Variants in PDCL2 observed in about 807,000 individuals in gnomAD.
PDCL2 encodes the protein phosducin like 2, also known as phosducin-like protein 2.
In PDCL2, 23 loss-of-function variants were observed where a neutral mutation model predicts 30.3. The ratio of observed to expected loss-of-function variants is 0.76; its 90% CI spans 0.55 to 1.08. The LOEUF (loss-of-function observed/expected upper bound fraction) is 1.08. Among genes scored for constraint, PDCL2 ranks in the 50% least tolerant of loss-of-function variants. PDCL2 has a pLI of 0.00. For missense variants in PDCL2, 243 were observed against 282.3 expected (o/e 0.86, Z 1.00); for synonymous variants, 68 against 86.2 (o/e 0.79, Z 1.17).
chr4:55,575,211 A>G (rs1330356550), intron 3 of PDCL2, among the ~76,000 whole-genome samples: 1 of 152,208 alleles, frequency 6.6e-6, no homozygotes, highest in African/African-American at 2.4e-5. Context: ...CTGCCCCAAC[A>G]TTTCATGTCA....
intron 3 of PDCL2, among the ~76,000 whole-genome samples, chr4:55,577,061 C>T (rs1732588908): frequency 6.6e-6 from 1 of 152,130 alleles, no homozygotes; most frequent in Non-Finnish European, 1.5e-5. Flanking sequence ...CTACACCCAA[C>T]TAATTTTTGT....
At chr4:55,579,111 T>C (rs1286269672) in intron 3 of PDCL2, among the ~76,000 whole-genome samples, 1 of 152,190 alleles carries the variant, frequency 6.6e-6, no homozygotes, top group African/African-American at 2.4e-5. Context: ...CATATAATTA[T>C]TGATTTTGTT....
In PDCL2 at chr4:55,579,700, T is replaced by C. The variant is rs955743995; in HGVS notation, c.218+1121A>G. On this transcript the variant is annotated intron_variant, in intron 3 of 5. Coordinates refer to ENST00000295645, the MANE Select transcript of PDCL2 (RefSeq NM_152401.3). ...CCATTCACTGGTGGCTTTTGGTTTTTATTTTTGTTTTGTAGAGACAGGGTC... is the reference window on the plus strand; with the variant it reads ...CCATTCACTGGTGGCTTTTGGTTTTCATTTTTGTTTTGTAGAGACAGGGTC... Among the ~76,000 whole-genome samples the C allele has an allele frequency of 4.6e-5, 7 of 151,860 alleles. No homozygotes were observed. The South Asian group carries it at 1.2e-3, about 27-fold the overall frequency.
chr4:55,559,826 C>T (rs1362160093), intron 5 of PDCL2, among the ~76,000 whole-genome samples: 1 of 152,096 alleles, frequency 6.6e-6, no homozygotes, highest in Admixed American at 6.6e-5. Context: ...AACATGCTAC[C>T]ACATGGATGA....
At chr4:55,567,192 T>G (rs1732289696) in intron 4 of PDCL2, among the ~76,000 whole-genome samples, 1 of 152,226 alleles carries the variant, frequency 6.6e-6, no homozygotes, top group East Asian at 1.9e-4. Context: ...AACTTTTCTC[T>G]GAAGAATGCA....
At chr4:55,571,833 G>A (rs1015109516) in intron 3 of PDCL2, among the ~76,000 whole-genome samples, 2 of 151,380 alleles carry the variant, frequency 1.3e-5, no homozygotes, top group African/African-American at 4.9e-5. Flanking sequence ...ACCTCTCATA[G>A]TTTTCAAATT....
In PDCL2 at chr4:55,592,193, G is replaced by A; in HGVS notation, c.-84C>T. ...GATGGAGACCCGCAGCCTTCTCCAG[G>A]CTGGAAGAGCGCCCGCTTCAGGCCC... On this transcript the variant is annotated 5_prime_UTR_variant, in exon 1 of 6. Transcript: ENST00000295645. 6.4e-7 allele frequency: 1 copy of A among 1,566,160 alleles called. No homozygotes were observed. Among genetic ancestry groups the A allele is most frequent in the South Asian group, 1.2e-5 (1 of 84,988 alleles).
intron 3 of PDCL2, among the ~76,000 whole-genome samples, chr4:55,572,821 G>A (rs892825446): frequency 2.6e-5 from 4 of 151,918 alleles, no homozygotes; most frequent in African/African-American, 9.7e-5. Context: ...AGTGCAGTGG[G>A]TGATCTCGGC....
chr4:55,576,873 T>A (rs1732582286), intron 3 of PDCL2, among the ~76,000 whole-genome samples: 1 of 150,796 alleles, frequency 6.6e-6, no homozygotes, highest in South Asian at 2.1e-4. Context: ...AAACAAATTT[T>A]AAAAAAAGCA....
intron 4 of PDCL2, among the ~76,000 whole-genome samples, chr4:55,568,597 G>C (rs1732329804): frequency 6.6e-6 from 1 of 152,106 alleles, no homozygotes; most frequent in Non-Finnish European, 1.5e-5. Flanking sequence ...TGAGAAAATG[G>C]TATTGTGGTT....
intron 5 of PDCL2, among the ~76,000 whole-genome samples, chr4:55,561,803 C>T (rs998218968): frequency 6.6e-6 from 1 of 151,872 alleles, no homozygotes; most frequent in Non-Finnish European, 1.5e-5. Context: ...GGTCCATGCA[C>T]CTTTTAGGAA....
intron 3 of PDCL2, among the ~76,000 whole-genome samples, chr4:55,573,664 T>A (rs572552366): frequency 1.3e-5 from 2 of 151,964 alleles, no homozygotes; most frequent in South Asian, 4.2e-4. Flanking sequence ...GGTAGGATAA[T>A]CACTTGAGCC....
chr4:55,590,012 C>T lies in PDCL2; in HGVS notation c.6+2092G>A, dbSNP rs546947302. ...AGGACTCCAAGACCAGCCTGGCCAA[C>T]ATGGTGAAACCCTGTCTCTACTAAA... On this transcript the variant is annotated intron_variant, in intron 1 of 5. Coordinates refer to ENST00000295645, the MANE Select transcript of PDCL2 (RefSeq NM_152401.3). Among the ~76,000 whole-genome samples, 16 of 151,802 alleles carry T rather than the reference C, an allele frequency of 1.1e-4. No individual in the cohort carries two copies. The East Asian group carries it at 2.9e-3, about 28-fold the overall frequency.
At chr4:55,586,453 G>A (rs1244507102) in intron 1 of PDCL2, among the ~76,000 whole-genome samples, 4 of 152,086 alleles carry the variant, frequency 2.6e-5, no homozygotes, top group African/African-American at 9.7e-5. Context: ...TTTGTGACTG[G>A]CTTATTTCGC....
intron 1 of PDCL2, among the ~76,000 whole-genome samples, chr4:55,584,946 G>C (rs956360942): frequency 1.3e-5 from 2 of 152,096 alleles, no homozygotes; most frequent in African/African-American, 4.8e-5. Context: ...AAATTTGGTT[G>C]AATGTTTTTT....
intron 4 of PDCL2, among the ~76,000 whole-genome samples, chr4:55,564,143 A>T (rs1440893284): frequency 1.3e-5 from 2 of 152,238 alleles, no homozygotes; most frequent in East Asian, 3.8e-4. Context: ...AAATGAGTCC[A>T]CTAATATCTA....
At chr4:55,577,474 T>G (rs1732601469) in intron 3 of PDCL2, among the ~76,000 whole-genome samples, 1 of 152,192 alleles carries the variant, frequency 6.6e-6, no homozygotes, top group African/African-American at 2.4e-5. Context: ...GAGCAGGGAA[T>G]AGTGTTAAAA....
intron 2 of PDCL2, 85 bp downstream of exon 2, chr4:55,582,032 C>G (rs540481809): frequency 2.1e-5 from 33 of 1,539,296 alleles, no homozygotes; most frequent in Non-Finnish European, 2.8e-5. Flanking sequence ...CTAATGTCCT[C>G]TCTCCCACTA....
intron 5 of PDCL2, among the ~76,000 whole-genome samples, chr4:55,557,874 G>A (rs550498587): frequency 2.0e-5 from 3 of 151,630 alleles, no homozygotes; most frequent in East Asian, 3.9e-4. Context: ...GAAAGGCTGA[G>A]GAGGGCGGAT....
Sources: allele counts gnomAD v4.1 joint callset (sites outside exome capture counted in the v4.1 genomes callset), GRCh38; gene constraint gnomAD v4.1.1; transcripts MANE v1.5; gene names NCBI Gene and HGNC (gene_info 2026-07-23, HGNC 2026-07-21).